UNC13C: variants seen among roughly 807,000 people sequenced by gnomAD.
UNC13C encodes the protein protein unc-13 homolog C.
Under a neutral mutation model 245.4 loss-of-function variants are expected in UNC13C, and 174 were observed. The ratio of observed to expected loss-of-function variants is 0.71; its 90% CI spans 0.63 to 0.80. The LOEUF (loss-of-function observed/expected upper bound fraction) is 0.80, where lower values mean the gene tolerates loss of function less well. Ranked by LOEUF, UNC13C falls within the 30% of genes least tolerant of loss-of-function variation. The pLI is 0.00. For synonymous variants in UNC13C, 992 were observed against 895.1 expected, an observed-to-expected ratio of 1.11 and a Z score of -1.93; for missense variants, 2,829 against 2,602.9, an observed-to-expected ratio of 1.09 and a Z score of -1.89.
chr15:54,264,625 TG>T (rs200173884), intron 9 of UNC13C, among the ~76,000 whole-genome samples: 3,186 of 151,532 alleles, frequency 0.021, 59 homozygotes, highest in Admixed American at 0.07. Flanking sequence ...AAAAAGTTTC[TG>T]TTTTTCAATA....
At chr15:54,301,236 A>G (rs1291810398) in intron 13 of UNC13C, among the ~76,000 whole-genome samples, 1 of 151,762 alleles carries the variant, frequency 6.6e-6, no homozygotes, top group Admixed American at 6.6e-5. Flanking sequence ...GTCAATTTCA[A>G]TCATCTTAAT....
chr15:54,290,855 G>T (rs1054295978), intron 10 of UNC13C, among the ~76,000 whole-genome samples: 1 of 151,956 alleles, frequency 6.6e-6, no homozygotes, highest in Admixed American at 6.6e-5. Context: ...CCTGCTATTT[G>T]CAGGTAAAAA....
intron 18 of UNC13C, among the ~76,000 whole-genome samples, chr15:54,406,263 G>T (rs898213901): frequency 6.6e-6 from 1 of 152,130 alleles, no homozygotes; most frequent in African/African-American, 2.4e-5. Context: ...AAGCAGCAAG[G>T]CCTGCTCATT....
At chr15:54,317,945 G>T (rs2038052011) in intron 13 of UNC13C, among the ~76,000 whole-genome samples, 1 of 151,732 alleles carries the variant, frequency 6.6e-6, no homozygotes, top group Non-Finnish European at 1.5e-5. Context: ...CTACTTCTCT[G>T]ACTTCAACCT....
intron 29 of UNC13C, among the ~76,000 whole-genome samples, chr15:54,566,964 T>C (rs953438533): frequency 6.6e-6 from 1 of 152,090 alleles, no homozygotes; most frequent in African/African-American, 2.4e-5. Flanking sequence ...AAGAGAACCG[T>C]TTATCTAAAC....
chr15:54,115,838 A>G (rs1227255457), intron 2 of UNC13C, among the ~76,000 whole-genome samples: 2 of 152,086 alleles, frequency 1.3e-5, no homozygotes, highest in African/African-American at 4.8e-5. Context: ...CTCTCAATCT[A>G]TTAGGAGATG....
chr15:53,925,604 G>T, the UNC13C span, among the ~76,000 whole-genome samples: 2 of 152,188 alleles, frequency 1.3e-5, no homozygotes, highest in South Asian at 4.1e-4. Context: ...TCCTTAGAAA[G>T]ACAGACTATC....
At chr15:54,392,326 C>T (rs1228883129) in intron 17 of UNC13C, among the ~76,000 whole-genome samples, 1 of 151,952 alleles carries the variant, frequency 6.6e-6, no homozygotes, top group Non-Finnish European at 1.5e-5. Context: ...TCTAGATCAT[C>T]CTATGTCACA....
chr15:54,484,804 A>G (rs915420610), intron 19 of UNC13C, among the ~76,000 whole-genome samples: 5 of 152,178 alleles, frequency 3.3e-5, no homozygotes, highest in African/African-American at 1.2e-4. Context: ...CCTCCCACAA[A>G]AAAGGATCTC....
intron 30 of UNC13C, among the ~76,000 whole-genome samples, chr15:54,612,799 T>G (rs560433871): frequency 6.6e-6 from 1 of 152,110 alleles, no homozygotes; most frequent in East Asian, 1.9e-4. Context: ...AGCATTGAAT[T>G]TTATCACACC....
At chr15:53,929,625 CT>C in the UNC13C span, among the ~76,000 whole-genome samples, 14 of 152,168 alleles carry the variant, frequency 9.2e-5, no homozygotes, top group Admixed American at 7.2e-4. Context: ...CTTGTACTTA[CT>C]ACTTAACTAT....
chr15:54,090,501 C>A (rs1331627739), intron 2 of UNC13C, among the ~76,000 whole-genome samples: 1 of 152,126 alleles, frequency 6.6e-6, no homozygotes, highest in Non-Finnish European at 1.5e-5. Flanking sequence ...AAAGATAGAT[C>A]AAGAAAAGTT....
the UNC13C span, among the ~76,000 whole-genome samples, chr15:53,904,210 T>C: frequency 6.6e-6 from 1 of 152,190 alleles, no homozygotes; most frequent in Non-Finnish European, 1.5e-5. Flanking sequence ...TGGTTCAGTT[T>C]CCATTTCAGA....
intron 19 of UNC13C, among the ~76,000 whole-genome samples, chr15:54,420,963 A>G (rs1461461013): frequency 6.6e-6 from 1 of 152,052 alleles, no homozygotes; most frequent in South Asian, 2.1e-4. Flanking sequence ...CTGATTATAC[A>G]TTAGAATCAC....
At position 53,978,935 on chromosome 15, in the gene UNC13C, C is replaced by G. The variant is rs1451716230; in HGVS notation, c.-257+8C>G. On this transcript the variant is annotated splice_region_variant and intron_variant, in intron 1 of 32. Transcript: ENST00000260323. ...TAAAGGAGAATTCCTCAGGTATGTT[C>G]TTTCCTCCGTTGCACGCACTGCTTC... Among the ~76,000 whole-genome samples the G allele has an allele frequency of 6.6e-6, 1 of 152,138 alleles. No individual in the cohort carries two copies. Among genetic ancestry groups the G allele is most frequent in the Non-Finnish European group, 1.5e-5 (1 of 68,028 alleles).
rs993271812 is a variant in UNC13C at position 54,174,078 on chromosome 15, T to A, written c.3071+30394T>A. On this transcript the variant is annotated intron_variant, in intron 4 of 32. Coordinates refer to ENST00000260323, the MANE Select transcript of UNC13C (RefSeq NM_001080534.3). Reference sequence around the variant, plus strand: ...TGATATATTTCCCTTTTTATCTGTTTGAATTTGCTAAATGCAACTTGTTAA... The same window carrying A: ...TGATATATTTCCCTTTTTATCTGTTAGAATTTGCTAAATGCAACTTGTTAA... 5.3e-5 allele frequency among the ~76,000 whole-genome samples: 8 copies of A among 152,308 alleles called. No individual in the cohort carries two copies. In the East Asian group the frequency reaches 9.6e-4, roughly 18 times the overall value.
intron 4 of UNC13C, among the ~76,000 whole-genome samples, chr15:54,192,866 G>A (rs747835744): frequency 1.3e-5 from 2 of 151,244 alleles, no homozygotes; most frequent in Non-Finnish European, 3.0e-5. Flanking sequence ...ATCTAATACA[G>A]GTTTCTCTCT....
Position 54,611,949 on chromosome 15 carries a change from C to G in UNC13C, c.6107-10378C>G, listed in dbSNP as rs567085960. Among the ~76,000 whole-genome samples, 6 of 152,224 alleles carry G rather than the reference C, an allele frequency of 3.9e-5. No homozygotes were observed. The South Asian group carries it at 1.2e-3, about 32-fold the overall frequency. On this transcript the variant is annotated intron_variant, in intron 30 of 32. Transcript: ENST00000260323. ...ATAAGTATTTTACATGATATTAACT[C>G]TGAACTGTCAAGTTTACAACTGTTG...
intron 10 of UNC13C, among the ~76,000 whole-genome samples, chr15:54,278,571 G>GTTCTTCTCTCCATCTCCCC (rs2036895452): frequency 5.9e-5 from 9 of 152,030 alleles, no homozygotes; most frequent in Admixed American, 5.9e-4. Context: ...GTACAATGCC[G>GTTCTTCTCTCCATCTCCCC]TTCTTCTCTC....
Sources: gnomAD v4.1 joint callset for allele counts (sites outside exome capture counted in the v4.1 genomes callset) on GRCh38, gnomAD v4.1.1 for gene constraint, MANE v1.5 for transcripts, NCBI Gene and HGNC (gene_info 2026-07-23, HGNC 2026-07-21) for gene names.